YAP1: variants seen among roughly 807,000 people sequenced by gnomAD.
YAP1 encodes transcriptional coactivator YAP1.
Under a neutral mutation model 56.9 loss-of-function variants are expected in YAP1, and 5 were observed. The observed-to-expected ratio is 0.09, with a 90% CI of 0.05 to 0.18. The LOEUF (loss-of-function observed/expected upper bound fraction) is 0.18. YAP1 is among the 10% of genes least tolerant of loss of function. The pLI is 1.00. For synonymous variants in YAP1, 265 were observed against 248.1 expected (o/e 1.07, Z -0.64); for missense variants, 539 against 651.8 (o/e 0.83, Z 1.88).
At chr11:102,118,233 A>G (rs1943413889) in intron 2 of YAP1, among the ~76,000 whole-genome samples, 1 of 152,144 alleles carries the variant, frequency 6.6e-6, no homozygotes, top group South Asian at 2.1e-4. Context: ...TCCATTGTTT[A>G]TCATTTTCTG....
In YAP1 at chr11:102,231,889, A is replaced by G. The variant is rs573109750; in HGVS notation, c.*1949A>G. On this transcript the variant is annotated 3_prime_UTR_variant, in exon 9 of 9. Transcript: ENST00000282441. ...TTGGCCCTTCAATTTGGAGGAGGGC[A>G]AAAGTTGGAAGTAAGAAGTTTTATT... 5 of 152,732 alleles carry G rather than the reference A, an allele frequency of 3.3e-5. No homozygotes were observed. In the East Asian group the frequency reaches 9.6e-4, roughly 29 times the overall value. 9.5% of individuals were successfully genotyped at this position (152,732 alleles called of 1,614,324 possible).
At chr11:102,112,767 C>G (rs1326975261) in intron 1 of YAP1, 2 of 985,210 alleles carry the variant, frequency 2.0e-6, no homozygotes, top group Non-Finnish European at 2.4e-6. Flanking sequence ...TCTCTTACCC[C>G]TCGAAGTGGG....
At chr11:102,206,706 G>A (rs928741042) in intron 5 of YAP1, among the ~76,000 whole-genome samples, 11 of 152,258 alleles carry the variant, frequency 7.2e-5, no homozygotes, top group African/African-American at 2.6e-4. Context: ...AGCCAAGCGT[G>A]GTGGCACACA....
At chr11:102,141,457 A>G (rs948686076) in intron 2 of YAP1, among the ~76,000 whole-genome samples, 2 of 152,184 alleles carry the variant, frequency 1.3e-5, no homozygotes, top group Non-Finnish European at 2.9e-5. Context: ...GTGCAATGGT[A>G]AGAAGTGGTA....
chr11:102,133,368 T>C (rs1468781022), intron 2 of YAP1, among the ~76,000 whole-genome samples: 20 of 152,080 alleles, frequency 1.3e-4, no homozygotes, highest in Admixed American at 1.3e-3. Context: ...CGATGTCAGC[T>C]CACTGCAGCC....
At chr11:102,228,392 T>C (rs58751289) in intron 8 of YAP1, among the ~76,000 whole-genome samples, 46,166 of 151,686 alleles carry the variant, frequency 0.3, 7,234 homozygotes, top group East Asian at 0.36. Flanking sequence ...CCCAGCACTT[T>C]GGGAGGCCGA....
At chr11:102,161,435 A>T (rs1029908591) in intron 2 of YAP1, among the ~76,000 whole-genome samples, 110 of 151,824 alleles carry the variant, frequency 7.2e-4, no homozygotes, top group Non-Finnish European at 1.3e-3. Flanking sequence ...ACCTATTTTT[A>T]AAAACTGTAT....
At chr11:102,171,525 A>G (rs1946898978) in intron 3 of YAP1, among the ~76,000 whole-genome samples, 1 of 152,190 alleles carries the variant, frequency 6.6e-6, no homozygotes, top group South Asian at 2.1e-4. Context: ...TAAGTGTGCT[A>G]TTTGTTTTTC....
chr11:102,167,077 G>T lies in YAP1; in HGVS notation c.688+4506G>T, dbSNP rs1200005537. ...TTCAAAATATGAGGTTGAAATGGTA[G>T]ATACTACATATAGCCTAGAGACCAG... is the stretch of plus-strand genomic sequence containing the variant. On this transcript the variant is annotated intron_variant, in intron 3 of 8. Coordinates refer to ENST00000282441, the MANE Select transcript of YAP1 (RefSeq NM_001130145.3). 5.3e-5 allele frequency among the ~76,000 whole-genome samples: 8 copies of T among 152,278 alleles called. No homozygotes were observed. In the South Asian group the frequency reaches 1.0e-3, roughly 20 times the overall value.
chr11:102,147,059 T>TC (rs1945361761), intron 2 of YAP1, among the ~76,000 whole-genome samples: 1 of 152,198 alleles, frequency 6.6e-6, no homozygotes. Flanking sequence ...AGTAACTCTG[T>TC]TATCTCTATT....
At chr11:102,172,300 ATTTTTTT>A (rs752185861) in intron 3 of YAP1, among the ~76,000 whole-genome samples, 36 of 110,836 alleles carry the variant, frequency 3.2e-4, no homozygotes, top group South Asian at 8.3e-4. Context: ...ACAGTGAAGA[ATTTTTTT>A]TTTTTTTTTT....
At chr11:102,114,439 G>A (rs778295572) in intron 2 of YAP1, 45 bp downstream of exon 2, 31 of 1,589,128 alleles carry the variant, frequency 2.0e-5, no homozygotes, top group South Asian at 5.6e-5. Flanking sequence ...AGACAAATAT[G>A]TATTGGAAAA....
intron 3 of YAP1, among the ~76,000 whole-genome samples, chr11:102,185,186 T>G (rs1241300319): frequency 1.3e-5 from 2 of 152,144 alleles, no homozygotes; most frequent in African/African-American, 4.8e-5. Flanking sequence ...TCAGGAAGAA[T>G]TATGTTTGAA....
chr11:102,140,481 G>A (rs1484474418), intron 2 of YAP1, among the ~76,000 whole-genome samples: 1 of 152,082 alleles, frequency 6.6e-6, no homozygotes, highest in Admixed American at 6.5e-5. Flanking sequence ...ACGCATGATA[G>A]CAACACACAC....
chr11:102,154,754 T>C (rs1204710324), intron 2 of YAP1, among the ~76,000 whole-genome samples: 4 of 152,208 alleles, frequency 2.6e-5, no homozygotes, highest in Non-Finnish European at 5.9e-5. Context: ...GTTCCCTTAC[T>C]TACTTTAAAT....
At position 102,230,664 on chromosome 11, in the gene YAP1, T is replaced by G. The variant is rs1565295669; in HGVS notation, c.*724T>G. 1 of 152,598 alleles carries G rather than the reference T, an allele frequency of 6.6e-6. No individual in the cohort carries two copies. The highest frequency in any genetic ancestry group is 2.4e-5 in the African/African-American group (1 of 41,424). 9.5% of individuals were successfully genotyped at this position (152,598 alleles called of 1,614,324 possible). A position where few individuals can be genotyped will look rare whatever the true frequency, so the allele number is the denominator to read the frequency against. ...TTTTGTTCTGTTTTGTTGGGTTTTT[T>G]GTTTTTTTTGTTTTTGGCAGGGTCG... On this transcript the variant is annotated 3_prime_UTR_variant, in exon 9 of 9. Transcript: ENST00000282441.
chr11:102,194,805 G>A (rs1182099311), intron 4 of YAP1, among the ~76,000 whole-genome samples: 2 of 152,116 alleles, frequency 1.3e-5, no homozygotes, highest in Non-Finnish European at 2.9e-5. Context: ...CTGTGAAAGA[G>A]CTTTACTAGT....
intron 2 of YAP1, among the ~76,000 whole-genome samples, chr11:102,159,615 T>C (rs1946149739): frequency 6.6e-6 from 1 of 152,222 alleles, no homozygotes; most frequent in Admixed American, 6.5e-5. Flanking sequence ...AATGAAATTT[T>C]TGAGGGCTTT....
intron 2 of YAP1, among the ~76,000 whole-genome samples, chr11:102,122,587 G>T (rs1348851254): frequency 1.3e-5 from 2 of 151,884 alleles, no homozygotes; most frequent in African/African-American, 4.8e-5. Flanking sequence ...CCTTAATACT[G>T]TAAGGTTTAT....
Sources: allele counts gnomAD v4.1 joint callset (sites outside exome capture counted in the v4.1 genomes callset), GRCh38; gene constraint gnomAD v4.1.1; transcripts MANE v1.5; gene names NCBI Gene and HGNC (gene_info 2026-07-23, HGNC 2026-07-21).